Variants in SDK2 observed in about 807,000 individuals in gnomAD.
The protein encoded by SDK2 is sidekick cell adhesion molecule 2, also known as protein sidekick-2.
Under a neutral mutation model 253.9 loss-of-function variants are expected in SDK2, and 105 were observed. The observed-to-expected ratio is 0.41, with a 90% confidence interval of 0.35 to 0.49. The LOEUF (loss-of-function observed/expected upper bound fraction) is 0.49. Among genes scored for constraint, SDK2 ranks in the 20% least tolerant of loss-of-function variants. The pLI is 0.06. For synonymous variants in SDK2, 1,249 were observed against 1,234.9 expected, an observed-to-expected ratio of 1.01 and a Z score of -0.24; for missense variants, 2,608 against 3,003.0, an observed-to-expected ratio of 0.87 and a Z score of 3.07.
Position 73,358,216 on chromosome 17 carries a change from A to G in SDK2, c.5468-12T>C, listed in dbSNP as rs2062609407. 6.3e-7 allele frequency: 1 copy of G among 1,592,714 alleles called. No individual in the cohort carries two copies. Among genetic ancestry groups the G allele is most frequent in the East Asian group, 2.2e-5 (1 of 44,624 alleles). On this transcript the variant is annotated splice_polypyrimidine_tract_variant and intron_variant, in intron 39 of 44. Coordinates refer to ENST00000392650, the MANE Select transcript of SDK2 (RefSeq NM_001144952.2). ...CGGTCCTGGGGCACCTGCAGACAGC[A>G]CACAGAGGCGAGGGATGTATGGAAC...
At chr17:73,571,779 C>T (rs2145868575) in intron 1 of SDK2, among the ~76,000 whole-genome samples, 1 of 152,246 alleles carries the variant, frequency 6.6e-6, no homozygotes, top group South Asian at 2.1e-4. Flanking sequence ...CTGCCCTCCC[C>T]TGCCCTCTCT....
chr17:73,361,969 G>A lies in SDK2; in HGVS notation c.5306-124C>T, dbSNP rs1040471593. ...CCTGGGTAGGGGCCTCACTCCTTGAGGTCAGGCTGAAATGCACCCCCAGCC... is the reference window on the plus strand; with the variant it reads ...CCTGGGTAGGGGCCTCACTCCTTGAAGTCAGGCTGAAATGCACCCCCAGCC... On this transcript the variant is annotated intron_variant, in intron 38 of 44. Coordinates refer to ENST00000392650, the MANE Select transcript of SDK2 (RefSeq NM_001144952.2). This position sits in a 1 kb window ranked among gnomAD's most constrained non-coding sequence, Gnocchi z 4.1. 1 of 904,942 alleles carries A rather than the reference G, an allele frequency of 1.1e-6. No individual in the cohort carries two copies. Among genetic ancestry groups the A allele is most frequent in the Non-Finnish European group, 1.6e-6 (1 of 615,074 alleles). The allele number at this position is 904,942 out of a possible 1,614,324, so 56.1% of individuals were successfully genotyped here. A position where few individuals can be genotyped will look rare whatever the true frequency, so the allele number is the denominator to read the frequency against.
chr17:73,394,599 A>T lies in SDK2; in HGVS notation c.3593-275T>A, dbSNP rs573835533. 3.3e-5 allele frequency among the ~76,000 whole-genome samples: 5 copies of T among 152,320 alleles called. No homozygotes were observed. In the South Asian group the frequency reaches 8.3e-4, roughly 25 times the overall value. On this transcript the variant is annotated intron_variant, in intron 25 of 44. Coordinates refer to ENST00000392650, the MANE Select transcript of SDK2 (RefSeq NM_001144952.2). The stretch of plus-strand genomic sequence containing the variant: ...AGATGAGCTTGCATTTCCTGCTAGC[A>T]CAGCAGAGAGGGCTGGCAGAGGGAC...
chr17:73,432,266 A>C (rs1272980480), intron 10 of SDK2, among the ~76,000 whole-genome samples: 1 of 151,976 alleles, frequency 6.6e-6, no homozygotes, highest in East Asian at 1.9e-4. Flanking sequence ...CCAGAGAAAG[A>C]GGGGGAGAAA....
intron 3 of SDK2, among the ~76,000 whole-genome samples, chr17:73,470,094 G>A (rs892005759): frequency 2.7e-5 from 4 of 148,284 alleles, no homozygotes; most frequent in Non-Finnish European, 5.9e-5. Flanking sequence ...ATGCACATCT[G>A]AACACATAAC....
chr17:73,425,941 G>A (rs1429780017), intron 12 of SDK2, among the ~76,000 whole-genome samples: 1 of 152,108 alleles, frequency 6.6e-6, no homozygotes, highest in Non-Finnish European at 1.5e-5. Context: ...CCTGAACCAC[G>A]GCAAGCGGTC....
At chr17:73,400,666 T>A (rs758528889) in intron 21 of SDK2, among the ~76,000 whole-genome samples, 42 of 151,338 alleles carry the variant, frequency 2.8e-4, no homozygotes, top group Non-Finnish European at 4.1e-4. Flanking sequence ...TTTTATTTTT[T>A]TTTTTGAGAC....
At position 73,379,611 on chromosome 17, in the gene SDK2, C is replaced by A; in HGVS notation, c.4763-62G>T. Reference sequence around the variant, plus strand: ...GTCACCGTCATTGCTGGGAAGGTGTCCCCAGGGAGGGTGGAGGCTGCAGGG... The same window carrying A: ...GTCACCGTCATTGCTGGGAAGGTGTACCCAGGGAGGGTGGAGGCTGCAGGG... On this transcript the variant is annotated intron_variant, in intron 34 of 44. Transcript: ENST00000392650. This position sits in a 1 kb window ranked among gnomAD's most constrained non-coding sequence, Gnocchi z 4.5. The A allele has an allele frequency of 9.7e-7, 1 of 1,035,232 alleles. No individual in the cohort carries two copies. The highest frequency in any genetic ancestry group is 2.4e-5 in the East Asian group (1 of 41,418). The allele number at this position is 1,035,232 out of a possible 1,614,324, so 64.1% of individuals were successfully genotyped here.
rs1025704859 is a variant in SDK2 at position 73,336,454 on chromosome 17, T to C, written c.*2133A>G. 3 of 152,398 alleles carry C rather than the reference T, an allele frequency of 2.0e-5. No individual in the cohort carries two copies. Among genetic ancestry groups the C allele is most frequent in the Non-Finnish European group, 4.4e-5 (3 of 68,068 alleles). 9.4% of individuals were successfully genotyped at this position (152,398 alleles called of 1,614,324 possible). A position where few individuals can be genotyped will look rare whatever the true frequency, so the allele number is the denominator to read the frequency against. ...GTGCTTCCCTTCCCAGGCCTCCTTA[T>C]TGGAGAAACCGCTTTTTGGACACTG... On this transcript the variant is annotated 3_prime_UTR_variant, in exon 45 of 45. Transcript: ENST00000392650.
intron 36 of SDK2, among the ~76,000 whole-genome samples, chr17:73,373,698 C>T (rs1403737305): frequency 6.6e-6 from 1 of 152,004 alleles, no homozygotes; most frequent in East Asian, 1.9e-4. Flanking sequence ...GCTCTGTCAC[C>T]CAGGCTAGAC....
At chr17:73,370,010 C>A (rs2062721420) in intron 36 of SDK2, among the ~76,000 whole-genome samples, 1 of 152,168 alleles carries the variant, frequency 6.6e-6, no homozygotes, top group Admixed American at 6.5e-5. Flanking sequence ...CTGAGGCCAT[C>A]CAGATAGCGG....
chr17:73,545,099 G>GCACACACACACACACACACACACACACA lies in SDK2; in HGVS notation c.65-37530_65-37503dup, dbSNP rs58966207. 4.0e-3 allele frequency among the ~76,000 whole-genome samples: 581 copies of GCACACACACACACACACACACACACACA among 145,778 alleles called. 8 individuals carry two copies. Among genetic ancestry groups the GCACACACACACACACACACACACACACA allele is most frequent in the African/African-American group, 9.4e-3 (366 of 38,998 alleles). On this transcript the variant is annotated intron_variant, in intron 1 of 44. Coordinates refer to ENST00000392650, the MANE Select transcript of SDK2 (RefSeq NM_001144952.2). ...GCATTCTCATTGCGTGCACGTGCAC[G>GCACACACACACACACACACACACACACA]CACACACACACACACACACACACAC... is the stretch of plus-strand genomic sequence containing the variant.
chr17:73,370,558 T>C (rs2062725843), intron 36 of SDK2, among the ~76,000 whole-genome samples: 1 of 151,550 alleles, frequency 6.6e-6, no homozygotes, highest in African/African-American at 2.4e-5. Context: ...TCCCATTTTA[T>C]TTTATTTTAT....
chr17:73,499,883 G>A lies in SDK2; in HGVS notation c.224+7555C>T, dbSNP rs949922845. ...TCTGTGTGTGTGTGTGTGTGTGTGTGTGTGTGTGTGTGTGTGTGTGTGTGT... is the reference window on the plus strand; with the variant it reads ...TCTGTGTGTGTGTGTGTGTGTGTGTATGTGTGTGTGTGTGTGTGTGTGTGT... On this transcript the variant is annotated intron_variant, in intron 2 of 44. Coordinates refer to ENST00000392650, the MANE Select transcript of SDK2 (RefSeq NM_001144952.2). 3.3e-5 allele frequency among the ~76,000 whole-genome samples: 5 copies of A among 151,206 alleles called. No homozygotes were observed. The South Asian group carries it at 8.4e-4, about 25-fold the overall frequency.
chr17:73,350,461 C>T, intron 42 of SDK2, 86 bp from the exon 43 acceptor site: 2 of 1,517,910 alleles, frequency 1.3e-6, no homozygotes, highest in East Asian at 4.6e-5. Context: ...GTTATCCCCT[C>T]TTTCTCTTGG....
rs945841884 is a variant in SDK2 at position 73,361,486 on chromosome 17, C to T, written c.5467+198G>A. On this transcript the variant is annotated intron_variant, in intron 39 of 44. Transcript: ENST00000392650. The surrounding 1 kb of genome is among the most constrained non-coding windows in gnomAD (Gnocchi z 4.1). ...CTCCAGGGTTTGTGGCTTGAGGAAC[C>T]TGAGGACACATTAATCAAAGCGTGG... Among the ~76,000 whole-genome samples the T allele has an allele frequency of 9.9e-5, 15 of 152,180 alleles. No individual in the cohort carries two copies. The East Asian group carries it at 2.7e-3, about 28-fold the overall frequency.
At chr17:73,479,450 C>T (rs146807842) in intron 2 of SDK2, among the ~76,000 whole-genome samples, 164 of 152,170 alleles carry the variant, frequency 1.1e-3, no homozygotes, top group African/African-American at 3.6e-3. Context: ...GACTGGTGGC[C>T]GGCTAGAAAA....
chr17:73,447,723 C>A lies in SDK2; in HGVS notation c.505G>T (p.Val169Phe). 8.4e-6 allele frequency: 13 copies of A among 1,551,702 alleles called. No homozygotes were observed. The highest frequency in any genetic ancestry group is 1.0e-5 in the Non-Finnish European group (12 of 1,147,002). Residue 169 changes from valine to phenylalanine, a missense_variant, in exon 5 of 45, where the codon GTC becomes TTC. Val to Phe is a conservative substitution (Grantham distance 50, BLOSUM62 -1). Transcript: ENST00000392650. This position sits in a 1 kb window ranked among gnomAD's most constrained non-coding sequence, Gnocchi z 4.0. ...TCAGGGGCCACCGTTGACAGGATGACAAGGGTGTTCTCCAGCGTGATGGCT... is the reference window on the plus strand; with the variant it reads ...TCAGGGGCCACCGTTGACAGGATGAAAAGGGTGTTCTCCAGCGTGATGGCT... ...RIAITLENTL[V>F]ILSTVAPDAG... is the part of the protein sequence containing the mutation.
At chr17:73,417,379 C>T (rs919829291) in intron 16 of SDK2, among the ~76,000 whole-genome samples, 1 of 149,758 alleles carries the variant, frequency 6.7e-6, no homozygotes, top group Admixed American at 6.7e-5. Context: ...GCACTCCAGC[C>T]TGGGCAATGG....
Sources: allele counts gnomAD v4.1 joint callset (sites outside exome capture counted in the v4.1 genomes callset), GRCh38; gene constraint gnomAD v4.1.1; non-coding constraint Gnocchi (gnomAD v3.1); transcripts MANE v1.5; gene names NCBI Gene and HGNC (gene_info 2026-07-23, HGNC 2026-07-21).